Variants in ZFP62 observed in about 807,000 individuals in gnomAD.
ZFP62 encodes zinc finger protein 62 homolog.
In ZFP62, 44 loss-of-function variants were observed where a neutral mutation model predicts 56.4. The ratio of observed to expected loss-of-function variants is 0.78; its 90% CI spans 0.61 to 1.00. The LOEUF is 1.00. Among genes scored for constraint, ZFP62 ranks in the 50% least tolerant of loss-of-function variants. The pLI is 0.00. For synonymous variants in ZFP62, 421 were observed against 388.9 expected (o/e 1.08, Z -0.97); for missense variants, 1,030 against 1,085.7 (o/e 0.95, Z 0.72).
At chr5:180,845,653 A>T, downstream of ZFP62, 1 of 946,120 alleles carries the variant, frequency 1.1e-6, no homozygotes, top group Non-Finnish European at 1.3e-6. Flanking sequence ...GAGAAGAGAA[A>T]TGAAGGGTCT....
At position 180,851,254 on chromosome 5, in the gene ZFP62, T is replaced by C. The variant is rs192511596; in HGVS notation, c.241A>G (p.Ile81Val). ...GCCTCACCTTCCTGTTCTGTCTTTA[T>C]ATTTGCTGTACTCTTGGCTTTGCTG... ...AISKAKSTAN[I>V]KTEQEGEASE... is the part of the protein sequence containing the mutation. Residue 81 changes from isoleucine (I) to valine (V), a missense_variant, in exon 2 of 2, where the codon ATA (isoleucine) becomes GTA (valine). By Grantham distance (29) the Ile-to-Val change is conservative. Coordinates refer to ENST00000502412, the MANE Select transcript of ZFP62 (RefSeq NM_001172638.2). 5.3e-4 allele frequency: 818 copies of C among 1,551,680 alleles called. No homozygotes were observed. The highest frequency in any genetic ancestry group is 1.0e-3 in the Admixed American group (52 of 50,990).
chr5:180,854,827 C>G (rs376312869), intron 1 of ZFP62, among the ~76,000 whole-genome samples: 2 of 152,054 alleles, frequency 1.3e-5, no homozygotes, highest in African/African-American at 4.8e-5. Context: ...TCATAAAAGA[C>G]AAAGAAGAGC....
In ZFP62 at chr5:180,848,369, T is replaced by C; in HGVS notation, c.*423A>G. 1.0e-6 allele frequency: 1 copy of C among 989,676 alleles called. No homozygotes were observed. Among genetic ancestry groups the C allele is most frequent in the Non-Finnish European group, 1.2e-6 (1 of 832,822 alleles). The allele number at this position is 989,676 out of a possible 1,614,324, so 61.3% of individuals were successfully genotyped here. ...TGTTGGAGGCCCTTAGTTTTCCCAC[T>C]GACCAATGTGTAATTGGGATTCAAA... On this transcript the variant is annotated 3_prime_UTR_variant, in exon 2 of 2. Transcript: ENST00000502412.
In ZFP62 at chr5:180,851,032, G is replaced by A. The variant is rs1459186640; in HGVS notation, c.463C>T (p.Arg155Cys). 24 of 1,551,534 alleles carry A rather than the reference G, an allele frequency of 1.5e-5. No homozygotes were observed. The Admixed American group carries it at 3.3e-4, about 22-fold the overall frequency. Reference protein sequence around the residue: ...ECGKSFKYNSRLVQHKIMHTG... With the variant: ...ECGKSFKYNSCLVQHKIMHTG... Reference sequence around the variant, plus strand: ...TGCATAATTTTATGTTGAACAAGGCGGGAATTATATTTGAAGGATTTCCCA... The same window carrying A: ...TGCATAATTTTATGTTGAACAAGGCAGGAATTATATTTGAAGGATTTCCCA... The change falls in exon 2 of 2, where the codon CGC becomes TGC. Residue 155 changes from arginine to cysteine, a missense_variant. Arg to Cys is a radical substitution (Grantham distance 180). Transcript: ENST00000502412.
chr5:180,851,089 C>T lies in ZFP62; in HGVS notation c.406G>A (p.Ala136Thr), dbSNP rs1773679878. Residue 136 changes from alanine to threonine, a missense_variant, in exon 2 of 2, where the codon GCT becomes ACT. Physicochemically the swap from Ala to Thr is moderately conservative, Grantham distance 58. Coordinates refer to ENST00000502412, the MANE Select transcript of ZFP62 (RefSeq NM_001172638.2). ...SYPSLQQKTN[A>T]VKKLHKCDEC... The stretch of plus-strand genomic sequence containing the variant: ...TCACATTTATGTAATTTCTTAACAG[C>T]ATTGGTTTTCTGCTGTAGACTAGGG... The T allele has an allele frequency of 6.4e-7, 1 of 1,551,702 alleles. No individual in the cohort carries two copies.
chr5:180,831,719 C>A, the ZFP62 span: 1 of 152,828 alleles, frequency 6.5e-6, no homozygotes, highest in South Asian at 2.1e-4. Flanking sequence ...GACCTCCGCA[C>A]CCTACCCGGT....
the ZFP62 span, among the ~76,000 whole-genome samples, chr5:180,839,582 G>A: frequency 2.5e-4 from 38 of 152,284 alleles, no homozygotes; most frequent in Non-Finnish European, 5.0e-4. Flanking sequence ...GATACAAAGA[G>A]GGGAAAAACA....
the ZFP62 span, chr5:180,835,827 TAAA>T: frequency 3.9e-5 from 6 of 152,230 alleles, no homozygotes; most frequent in Admixed American, 3.9e-4. Context: ...TTTGAAATTC[TAAA>T]AAACTAATTA....
the ZFP62 span, among the ~76,000 whole-genome samples, chr5:180,838,686 T>G: frequency 6.6e-6 from 1 of 152,242 alleles, no homozygotes; most frequent in Non-Finnish European, 1.5e-5. Flanking sequence ...TATACTTCTT[T>G]GGCAAGTTTA....
At chr5:180,858,325 C>T (rs983237410) in intron 1 of ZFP62, among the ~76,000 whole-genome samples, 5 of 146,968 alleles carry the variant, frequency 3.4e-5, no homozygotes, top group Admixed American at 6.8e-5. Context: ...AAAGATCAGG[C>T]AAGGTGCAGT....
At chr5:180,832,497 G>C in the ZFP62 span, among the ~76,000 whole-genome samples, 3 of 152,184 alleles carry the variant, frequency 2.0e-5, no homozygotes, top group Non-Finnish European at 4.4e-5. Context: ...AATTTACATT[G>C]TTTTAAGCCA....
rs1054733436 is a variant in ZFP62, at chr5:180,849,062, C to T, written c.2433G>A (p.Gln811=). ...INHKSVHQGK[Q]PYNCECGKSF... ...ATTTCCCACACTCACAATTATAGGG[C>T]TGCTTCCCCTGGTGGACACTTTTAT... The change falls in exon 2 of 2, where the codon CAG becomes CAA. Residue 811 remains glutamine, a synonymous_variant. Coordinates refer to ENST00000502412, the MANE Select transcript of ZFP62 (RefSeq NM_001172638.2). The T allele has an allele frequency of 1.9e-6, 3 of 1,552,078 alleles. No individual in the cohort carries two copies. The African/African-American group carries it at 4.1e-5, about 21-fold the overall frequency.
the ZFP62 span, among the ~76,000 whole-genome samples, chr5:180,833,348 G>A: frequency 5.3e-5 from 8 of 151,828 alleles, no homozygotes; most frequent in Admixed American, 1.3e-4. Context: ...GTGTGGCAGC[G>A]GGTGCCTGTA....
rs138134410 is a variant in ZFP62, at chr5:180,849,795, C to G, written c.1700G>C (p.Gly567Ala). The change falls in exon 2 of 2, where the codon GGG becomes GCG. Residue 567 changes from glycine to alanine, a missense_variant. Coordinates refer to ENST00000502412, the MANE Select transcript of ZFP62 (RefSeq NM_001172638.2). ...GCTCGAGAGAGAGATGTATGCTTTC[C>G]CACATTCTTCACATTTGTAAGGTCG... ...GERPYKCEEC[G>A]KAYISLSSLI... 6.4e-7 allele frequency: 1 copy of G among 1,551,864 alleles called. No individual in the cohort carries two copies. Among genetic ancestry groups the G allele is most frequent in the East Asian group, 2.4e-5 (1 of 40,922 alleles).
At chr5:180,858,072 G>A (rs1774083290) in intron 1 of ZFP62, among the ~76,000 whole-genome samples, 1 of 137,738 alleles carries the variant, frequency 7.3e-6, no homozygotes, top group Admixed American at 7.8e-5. Flanking sequence ...GGCCAACATG[G>A]TGAAACCCCA....
chr5:180,827,368 CTTGAGATTCTGTT>C, the ZFP62 span, among the ~76,000 whole-genome samples: 1 of 152,136 alleles, frequency 6.6e-6, no homozygotes, highest in East Asian at 1.9e-4. Flanking sequence ...AAAATTCTGC[CTTGAGATTCTGTT>C]AATCTGTGAC....
chr5:180,833,457 C>T, the ZFP62 span, among the ~76,000 whole-genome samples: 123 of 134,076 alleles, frequency 9.2e-4, no homozygotes, highest in African/African-American at 3.1e-3. Context: ...CCAGCCTGGG[C>T]GATACGGTGA....
At chr5:180,846,885 G>C (rs565030795), downstream of ZFP62, among the ~76,000 whole-genome samples, 4 of 152,344 alleles carry the variant, frequency 2.6e-5, no homozygotes, top group East Asian at 7.7e-4. Flanking sequence ...TATAGGGTCA[G>C]GCTTGCCAGT....
At chr5:180,841,837 T>C in the ZFP62 span, among the ~76,000 whole-genome samples, 1 of 152,164 alleles carries the variant, frequency 6.6e-6, no homozygotes, top group African/African-American at 2.4e-5. Context: ...GCAGATCACT[T>C]GAGGTCAGGA....
Sources: allele counts gnomAD v4.1 joint callset (sites outside exome capture counted in the v4.1 genomes callset), GRCh38; gene constraint gnomAD v4.1.1; transcripts MANE v1.5; gene names NCBI Gene and HGNC (gene_info 2026-07-23, HGNC 2026-07-21).